Variants in TEX14 observed in about 807,000 individuals in gnomAD.
TEX14 encodes the protein testis expressed 14, intercellular bridge forming factor.
Under a neutral mutation model 178.6 loss-of-function variants are expected in TEX14, and 168 were observed. That is an observed-to-expected ratio of 0.94 (90% CI 0.83 to 1.07). The LOEUF (loss-of-function observed/expected upper bound fraction) is 1.07. Among genes scored for constraint, TEX14 ranks in the 50% least tolerant of loss-of-function variants. The pLI is 0.00. For missense variants in TEX14, 1,730 were observed against 1,753.6 expected, an observed-to-expected ratio of 0.99 and a Z score of 0.24; for synonymous variants, 626 against 634.1, an observed-to-expected ratio of 0.99 and a Z score of 0.19.
intron 3 of TEX14, among the ~76,000 whole-genome samples, chr17:58,626,566 T>C (rs2046147340): frequency 5.1e-5 from 2 of 38,940 alleles, no homozygotes; most frequent in East Asian, 8.0e-4. Context: ...TGAGACTCCA[T>C]CTCAAAAAAA....
Position 58,621,820 on chromosome 17 carries a change from G to A in TEX14, c.418-34C>T, listed in dbSNP as rs562087058. On this transcript the variant is annotated intron_variant, in intron 4 of 31. Coordinates refer to ENST00000349033, the MANE Select transcript of TEX14 (RefSeq NM_031272.5). Reference sequence around the variant, plus strand: ...CATCGCAGAGATGCCCAGTGCGGGCGCACCAGTTCTCAATGGAATGGAAGC... The same window carrying A: ...CATCGCAGAGATGCCCAGTGCGGGCACACCAGTTCTCAATGGAATGGAAGC... 2.8e-5 allele frequency: 44 copies of A among 1,586,384 alleles called. No homozygotes were observed. The East Asian group carries it at 5.6e-4, about 20-fold the overall frequency.
At chr17:58,628,624 A>C (rs936704666) in intron 3 of TEX14, among the ~76,000 whole-genome samples, 2 of 152,092 alleles carry the variant, frequency 1.3e-5, no homozygotes, top group East Asian at 1.9e-4. Context: ...AGGCAGGAGA[A>C]TCACTTGAAC....
At chr17:58,579,770 A>G (rs1438224459) in intron 19 of TEX14, 39 bp from the exon 20 acceptor site, 2 of 1,494,876 alleles carry the variant, frequency 1.3e-6, no homozygotes, top group Admixed American at 1.7e-5. Context: ...AAGGAGGTTC[A>G]CTGGAGGCAG....
chr17:58,576,711 T>C (rs1460281399), intron 21 of TEX14, among the ~76,000 whole-genome samples: 1 of 152,128 alleles, frequency 6.6e-6, no homozygotes, highest in Admixed American at 6.6e-5. Flanking sequence ...TGGCAACCAC[T>C]CATCTGTTCT....
intron 1 of TEX14, among the ~76,000 whole-genome samples, chr17:58,685,449 A>G (rs1475382165): frequency 6.6e-6 from 1 of 151,768 alleles, no homozygotes; most frequent in African/African-American, 2.4e-5. Flanking sequence ...AAAAAAAAAA[A>G]AGAATGTCAG....
intron 20 of TEX14, 33 bp from the exon 21 acceptor site, chr17:58,577,489 A>ATAT: frequency 4.0e-6 from 3 of 751,958 alleles, no homozygotes; most frequent in South Asian, 3.0e-5. Flanking sequence ...ATATATATAT[A>ATAT]TTTTTTTTTA....
intron 14 of TEX14, among the ~76,000 whole-genome samples, chr17:58,595,726 T>C (rs9911609): frequency 0.23 from 34,565 of 152,094 alleles, 4,270 homozygotes; most frequent in South Asian, 0.33. Flanking sequence ...AACTGAGTGA[T>C]GCTAGCCAAT....
intron 3 of TEX14, 96 bp from the exon 4 acceptor site, chr17:58,623,108 AGGCAACGTT>A: frequency 8.7e-7 from 1 of 1,148,644 alleles, no homozygotes; most frequent in South Asian, 1.6e-5. Context: ...CCATTCTACA[AGGCAACGTT>A]GGTGACGAGG....
Position 58,556,832 on chromosome 17 carries a change from T to A in TEX14, c.*179A>T, listed in dbSNP as rs940402052. 5.7e-6 allele frequency: 3 copies of A among 528,080 alleles called. No homozygotes were observed. The African/African-American group carries it at 5.7e-5, about 10-fold the overall frequency. 32.7% of individuals were successfully genotyped at this position (528,080 alleles called of 1,614,324 possible). On this transcript the variant is annotated 3_prime_UTR_variant, in exon 32 of 32. Transcript: ENST00000349033. ...AGAAATCTGACTGAAAACAAATGGTTGAATGTGCTGCTAACAGAGAGGGCC... is the reference window on the plus strand; with the variant it reads ...AGAAATCTGACTGAAAACAAATGGTAGAATGTGCTGCTAACAGAGAGGGCC...
intron 1 of TEX14, among the ~76,000 whole-genome samples, chr17:58,657,932 A>G (rs988559807): frequency 2.0e-5 from 3 of 152,198 alleles, no homozygotes; most frequent in African/African-American, 7.2e-5. Flanking sequence ...TCCTAAGATC[A>G]GTGCTTGACA....
rs769985017 is a variant in TEX14, at chr17:58,587,944, T to G, written c.2654A>C (p.His885Pro). 6.2e-7 allele frequency: 1 copy of G among 1,604,876 alleles called. No individual in the cohort carries two copies. Among genetic ancestry groups the G allele is most frequent in the African/African-American group, 1.3e-5 (1 of 74,118 alleles). ...FNSALFTLSS[H>P]RQGPSASPSC... Reference sequence around the variant, plus strand: ...GGGTGATGCAGAAGGTCCCTGCCGGTGGCTTGACAGAGTGAAGAGTGCACT... The same window carrying G: ...GGGTGATGCAGAAGGTCCCTGCCGGGGGCTTGACAGAGTGAAGAGTGCACT... The change falls in exon 16 of 32, where the codon CAC (histidine) becomes CCC (proline). Residue 885 changes from histidine (H) to proline (P), a missense_variant. Transcript: ENST00000349033.
At chr17:58,559,778 C>T (rs1309135966) in intron 29 of TEX14, among the ~76,000 whole-genome samples, 1 of 152,150 alleles carries the variant, frequency 6.6e-6, no homozygotes. Context: ...TTACCACTGC[C>T]ATCCCCATTA....
At chr17:58,655,785 C>T (rs2046945086) in intron 1 of TEX14, among the ~76,000 whole-genome samples, 1 of 152,154 alleles carries the variant, frequency 6.6e-6, no homozygotes, top group African/African-American at 2.4e-5. Flanking sequence ...CCCTTGTAGG[C>T]AGGGGCATTG....
intron 1 of TEX14, among the ~76,000 whole-genome samples, chr17:58,684,370 G>A (rs907260699): frequency 1.3e-5 from 2 of 151,600 alleles, no homozygotes; most frequent in Non-Finnish European, 2.9e-5. Flanking sequence ...GCTGATACAG[G>A]AGAATCGCTT....
At chr17:58,639,935 T>G (rs2046534928) in intron 2 of TEX14, among the ~76,000 whole-genome samples, 1 of 152,180 alleles carries the variant, frequency 6.6e-6, no homozygotes, top group Non-Finnish European at 1.5e-5. Flanking sequence ...TCACACTTCT[T>G]AAATTTTTAA....
chr17:58,592,874 G>A (rs1361155821), intron 15 of TEX14, among the ~76,000 whole-genome samples: 1 of 152,092 alleles, frequency 6.6e-6, no homozygotes, highest in East Asian at 1.9e-4. Flanking sequence ...CAGCATGTGT[G>A]TGTGTATGTA....
intron 3 of TEX14, among the ~76,000 whole-genome samples, 169 bp from the exon 4 acceptor site, chr17:58,623,181 T>TAC (rs34181308): frequency 0.055 from 8,100 of 146,752 alleles, 226 homozygotes; most frequent in African/African-American, 0.08. Context: ...GAACTTTCTG[T>TAC]ACACACACAC....
intron 1 of TEX14, chr17:58,661,562 CGCG>C: frequency 1.3e-6 from 1 of 742,106 alleles, no homozygotes; most frequent in Non-Finnish European, 2.5e-6. Context: ...CTCGGGGAGC[CGCG>C]GCGGCGGCAG....
Position 58,628,478 on chromosome 17 carries a change from T to C in TEX14, c.251+1962A>G, listed in dbSNP as rs558202126. On this transcript the variant is annotated intron_variant, in intron 3 of 31. Transcript: ENST00000349033. ...CTGTAATCCCAGCACTTTGGGAGGCTAAGGCGGGCGGATCATGAGGTCAGG... is the reference window on the plus strand; with the variant it reads ...CTGTAATCCCAGCACTTTGGGAGGCCAAGGCGGGCGGATCATGAGGTCAGG... Among the ~76,000 whole-genome samples, 185 of 152,182 alleles carry C rather than the reference T, an allele frequency of 1.2e-3. 1 individual carries two copies. Among genetic ancestry groups the C allele is most frequent in the African/African-American group, 4.3e-3 (178 of 41,520 alleles).
Sources: allele counts gnomAD v4.1 joint callset (sites outside exome capture counted in the v4.1 genomes callset), GRCh38; gene constraint gnomAD v4.1.1; transcripts MANE v1.5; gene names NCBI Gene and HGNC (gene_info 2026-07-23, HGNC 2026-07-21).